The following PSMD11 variants were observed in gnomAD, a reference collection of about 807,000 sequenced individuals.
PSMD11 encodes 26S proteasome non-ATPase regulatory subunit 11.
Under a neutral mutation model 62.3 loss-of-function variants are expected in PSMD11, and 5 were observed. The ratio of observed to expected loss-of-function variants is 0.08; its 90% confidence interval spans 0.04 to 0.17. The LOEUF (loss-of-function observed/expected upper bound fraction) is 0.17. PSMD11 is among the 10% of genes least tolerant of loss of function. PSMD11 has a pLI of 1.00. For missense variants in PSMD11, 310 were observed against 512.9 expected, an observed-to-expected ratio of 0.60 and a Z score of 3.82; for synonymous variants, 191 against 191.8, an observed-to-expected ratio of 1.00 and a Z score of 0.03.
At chr17:32,464,599 T>C in intron 5 of PSMD11, 21 bp downstream of exon 5, 1 of 1,572,270 alleles carries the variant, frequency 6.4e-7, no homozygotes, top group Non-Finnish European at 8.7e-7. Flanking sequence ...TGGTAATAAG[T>C]CATCTCAGCT....
chr17:32,460,183 C>A (rs890704804), intron 3 of PSMD11, among the ~76,000 whole-genome samples: 5 of 152,030 alleles, frequency 3.3e-5, no homozygotes, highest in African/African-American at 1.2e-4. Flanking sequence ...CTCAGCCTCC[C>A]AAGTTGCTGG....
At chr17:32,468,618 A>C (rs1908066151) in intron 5 of PSMD11, among the ~76,000 whole-genome samples, 2 of 152,336 alleles carry the variant, frequency 1.3e-5, no homozygotes, top group Middle Eastern at 3.4e-3. Flanking sequence ...TCATCAACCT[A>C]GTGCCCCAGT....
At chr17:32,479,573 C>A in intron 10 of PSMD11, 197 bp downstream of exon 10, 2 of 802,818 alleles carry the variant, frequency 2.5e-6, no homozygotes, top group Admixed American at 5.8e-5. Flanking sequence ...ATGTGGGTTG[C>A]CCCTGCATGT....
intron 9 of PSMD11, 134 bp from the exon 10 acceptor site, chr17:32,479,117 C>A: frequency 8.4e-7 from 1 of 1,190,748 alleles, no homozygotes; most frequent in Non-Finnish European, 1.2e-6. Context: ...TTGTATCATG[C>A]ATCTCCCCAG....
intron 8 of PSMD11, among the ~76,000 whole-genome samples, chr17:32,475,109 A>G (rs995972755): frequency 1.3e-5 from 2 of 152,218 alleles, no homozygotes; most frequent in Admixed American, 1.3e-4. Context: ...CTTTGACCAG[A>G]AGATTTATCT....
Position 32,473,058 on chromosome 17 carries a change from T to C in PSMD11, c.644-743T>C, listed in dbSNP as rs935342324. Among the ~76,000 whole-genome samples, 28 of 150,494 alleles carry C rather than the reference T, an allele frequency of 1.9e-4. 1 individual carries two copies. The highest frequency in any genetic ancestry group is 6.8e-4 in the African/African-American group (28 of 41,174). On this transcript the variant is annotated intron_variant, in intron 6 of 13. Transcript: ENST00000261712. ...CTGTAATCCCAGCTACTTGGGAGGC[T>C]GAGGCAGGAGAATTGCTTGAACCCA... is the stretch of plus-strand genomic sequence containing the variant.
chr17:32,474,119 C>T lies in PSMD11; in HGVS notation c.788+174C>T, dbSNP rs577309173. 9.8e-5 allele frequency: 65 copies of T among 664,020 alleles called. No individual in the cohort carries two copies. The African/African-American group carries it at 1.1e-3, about 11-fold the overall frequency. The allele number at this position is 664,020 out of a possible 1,614,324, so 41.1% of individuals were successfully genotyped here. On this transcript the variant is annotated intron_variant, in intron 7 of 13. Coordinates refer to ENST00000261712, the MANE Select transcript of PSMD11 (RefSeq NM_002815.4). ...GATCAAAAGTGGTCCAGAAAACTTTCGCTTGCTAGTCTTTCAGAATCAGGC... is the reference window on the plus strand; with the variant it reads ...GATCAAAAGTGGTCCAGAAAACTTTTGCTTGCTAGTCTTTCAGAATCAGGC...
At chr17:32,470,314 G>GTT (rs559267622) in intron 6 of PSMD11, among the ~76,000 whole-genome samples, 3 of 144,936 alleles carry the variant, frequency 2.1e-5, no homozygotes, top group Non-Finnish European at 3.0e-5. Flanking sequence ...CTTTGTTTCT[G>GTT]TTTTTTTTTT....
chr17:32,471,271 G>C (rs1013087761), intron 6 of PSMD11, among the ~76,000 whole-genome samples: 3 of 152,182 alleles, frequency 2.0e-5, no homozygotes, highest in African/African-American at 7.2e-5. Flanking sequence ...GTAGTAGCAG[G>C]TTCAATCAAA....
intron 6 of PSMD11, among the ~76,000 whole-genome samples, chr17:32,470,946 G>T (rs73274212): frequency 6.6e-6 from 1 of 152,174 alleles, no homozygotes; most frequent in African/African-American, 2.4e-5. Context: ...TTTTGAGTAG[G>T]CTGGAAGGAC....
intron 3 of PSMD11, chr17:32,463,430 A>T (rs577732533): frequency 6.6e-6 from 1 of 152,110 alleles, no homozygotes; most frequent in East Asian, 1.9e-4. Flanking sequence ...TCAGGAGCTC[A>T]ATCTGTAACT....
chr17:32,449,514 A>G (rs1365903035), intron 2 of PSMD11, among the ~76,000 whole-genome samples: 2 of 152,232 alleles, frequency 1.3e-5, no homozygotes, highest in African/African-American at 4.8e-5. Context: ...TTTTCATCCA[A>G]AAATGTTACT....
intron 1 of PSMD11, chr17:32,445,675 T>C (rs746697040): frequency 2.6e-5 from 4 of 152,236 alleles, no homozygotes; most frequent in Non-Finnish European, 4.4e-5. Context: ...CTGAATTGGC[T>C]CAACAAGTAG....
At chr17:32,478,271 G>C (rs1333551294) in intron 9 of PSMD11, among the ~76,000 whole-genome samples, 1 of 152,144 alleles carries the variant, frequency 6.6e-6, no homozygotes, top group Non-Finnish European at 1.5e-5. Flanking sequence ...AACTTAGTGT[G>C]GATGGAGACT....
chr17:32,461,855 T>A (rs1051743733), intron 3 of PSMD11, among the ~76,000 whole-genome samples: 1 of 152,210 alleles, frequency 6.6e-6, no homozygotes, highest in African/African-American at 2.4e-5. Flanking sequence ...TTCTGTCTTA[T>A]TTTTAGAAAA....
In PSMD11 at chr17:32,444,540, T is replaced by C. The variant is rs775795716; in HGVS notation, c.17T>C (p.Val6Ala). Residue 6 changes from valine to alanine, a missense_variant, in exon 1 of 14, where the codon GTG becomes GCG. By Grantham distance (64) the Val-to-Ala change is moderately conservative (BLOSUM62 0). Around this residue, in one of 6 missense-constraint regions of PSMD11, gnomAD observed 28 missense variants for 21.2 expected, o/e 1.32. Transcript: ENST00000261712. MAAAA[V>A]VEFQRAQSLL... ...AGCGGTAAGATGGCGGCGGCGGCGG[T>C]GGTGGAGTTCCAGAGAGCCCAGTCT... 6.9e-6 allele frequency: 11 copies of C among 1,604,626 alleles called. No homozygotes were observed. Among genetic ancestry groups the C allele is most frequent in the East Asian group, 2.3e-5 (1 of 44,284 alleles).
chr17:32,481,224 CTTTT>C lies in PSMD11; in HGVS notation c.*475_*478del, dbSNP rs1416015369. Reference sequence around the variant, plus strand: ...ACAACTGTGTATAGACTGCTGTTTTCTTTTTTATTTGAAATGAGGCATTTTGGTG... The same window carrying C: ...ACAACTGTGTATAGACTGCTGTTTTCTTATTTGAAATGAGGCATTTTGGTG... On this transcript the variant is annotated 3_prime_UTR_variant, in exon 14 of 14. Transcript: ENST00000261712. 4 of 153,100 alleles carry C rather than the reference CTTTT, an allele frequency of 2.6e-5. No individual in the cohort carries two copies. Among genetic ancestry groups the C allele is most frequent in the African/African-American group, 9.6e-5 (4 of 41,456 alleles). The allele number at this position is 153,100 out of a possible 1,614,324, so 9.5% of individuals were successfully genotyped here. A position where few individuals can be genotyped will look rare whatever the true frequency, so the allele number is the denominator to read the frequency against.
chr17:32,457,129 T>C (rs1208732820), intron 3 of PSMD11, among the ~76,000 whole-genome samples: 1 of 152,256 alleles, frequency 6.6e-6, no homozygotes, highest in African/African-American at 2.4e-5. Flanking sequence ...CATTGCACAT[T>C]ACATTTATAT....
chr17:32,468,895 ATTTT>A (rs369788458), intron 5 of PSMD11, 100 bp from the exon 6 acceptor site: 6 of 898,298 alleles, frequency 6.7e-6, no homozygotes, highest in African/African-American at 1.8e-5. Flanking sequence ...GAGTTCAGGA[ATTTT>A]TTTTTTTTTT....
Sources: allele counts gnomAD v4.1 joint callset (sites outside exome capture counted in the v4.1 genomes callset), GRCh38; gene constraint gnomAD v4.1.1; regional missense constraint gnomAD v4.1.1; transcripts MANE v1.5; gene names NCBI Gene and HGNC (gene_info 2026-07-23, HGNC 2026-07-21).